LARP1: variants seen among roughly 807,000 people sequenced by gnomAD.
The protein encoded by LARP1 is La ribonucleoprotein 1, translational regulator, also known as la-related protein 1.
Under a neutral mutation model 122.7 loss-of-function variants are expected in LARP1, and 36 were observed. The ratio of observed to expected loss-of-function variants is 0.29; its 90% confidence interval spans 0.22 to 0.39. The LOEUF (loss-of-function observed/expected upper bound fraction) is 0.39, where lower values mean the gene tolerates loss of function less well. Ranked by LOEUF, LARP1 falls within the 10% of genes least tolerant of loss-of-function variation. The pLI is 1.00. For synonymous variants in LARP1, 539 were observed against 528.7 expected (o/e 1.02, Z -0.27); for missense variants, 1,040 against 1,403.6 (o/e 0.74, Z 4.14).
exon 1 of LARP1, chr5:154,712,985 C>T: frequency 6.2e-7 from 1 of 1,614,176 alleles, no homozygotes; most frequent in Non-Finnish European, 8.5e-7. Context: ...AGCTGGATTT[C>T]CAAGAGGCTC....
In LARP1 at chr5:154,739,222, G is replaced by A. The variant is rs187363718; in HGVS notation, c.205+26092G>A. ...TTTTTAGTAGAGACGGGGTTTCACC[G>A]TGTTAGCCAGGATGGTCTCGATCTC... On this transcript the variant is annotated intron_variant, in intron 1 of 18. Transcript: ENST00000336314. Among the ~76,000 whole-genome samples, 835 of 152,024 alleles carry A rather than the reference G, an allele frequency of 5.5e-3. 7 individuals are homozygous for A. The highest frequency in any genetic ancestry group is 0.019 in the African/African-American group (788 of 41,468).
At chr5:154,765,050 C>T (rs576446968) in intron 1 of LARP1, among the ~76,000 whole-genome samples, 33 of 152,280 alleles carry the variant, frequency 2.2e-4, no homozygotes, top group Non-Finnish European at 3.7e-4. Context: ...CCTATCACTC[C>T]TACTTAAAGC....
At chr5:154,711,328 G>A (rs1168536397), upstream of LARP1, among the ~76,000 whole-genome samples, 1 of 152,066 alleles carries the variant, frequency 6.6e-6, no homozygotes, top group African/African-American at 2.4e-5. Flanking sequence ...TTTTAGTAGA[G>A]ACGGGGTTTC....
intron 1 of LARP1, among the ~76,000 whole-genome samples, chr5:154,787,600 A>G (rs1266629160): frequency 6.6e-6 from 1 of 152,186 alleles, no homozygotes; most frequent in African/African-American, 2.4e-5. Context: ...TATGAATTTT[A>G]GATTTTAAAG....
At position 154,802,479 on chromosome 5, in the gene LARP1, C is replaced by T; in HGVS notation, c.2109+80C>T. ...AGAAGAGGAAGCCTGATTAGCTGTG[C>T]AATTTTAGGCAGGTCCTTATAATTC... On this transcript the variant is annotated intron_variant, in intron 11 of 18. Transcript: ENST00000518297. The surrounding 1 kb of genome is among the most constrained non-coding windows in gnomAD (Gnocchi z 5.1). The T allele has an allele frequency of 1.4e-6, 2 of 1,456,326 alleles. No homozygotes were observed. Among genetic ancestry groups the T allele is most frequent in the Non-Finnish European group, 1.8e-6 (2 of 1,096,700 alleles). 90.2% of individuals were successfully genotyped at this position (1,456,326 alleles called of 1,614,324 possible). A position where few individuals can be genotyped will look rare whatever the true frequency, so the allele number is the denominator to read the frequency against.
At chr5:154,807,459 G>A (rs141115519) in intron 15 of LARP1, among the ~76,000 whole-genome samples, 24 of 152,106 alleles carry the variant, frequency 1.6e-4, no homozygotes, top group East Asian at 3.9e-4. Context: ...TAAAATTTTC[G>A]TTTTATATTT....
At chr5:154,801,279 G>A (rs1167538488) in intron 10 of LARP1, among the ~76,000 whole-genome samples, 1 of 152,122 alleles carries the variant, frequency 6.6e-6, no homozygotes, top group South Asian at 2.1e-4. Context: ...TCTTCATCTG[G>A]CTTACTTATG....
At position 154,795,310 on chromosome 5, in the gene LARP1, C is replaced by T; in HGVS notation, c.1368C>T (p.Leu456=). 1 of 1,613,954 alleles carries T rather than the reference C, an allele frequency of 6.2e-7. No homozygotes were observed. The highest frequency in any genetic ancestry group is 1.1e-5 in the South Asian group (1 of 91,060). Residue 456 remains leucine, a synonymous_variant, in exon 8 of 19, where the codon CTC becomes CTT. Coordinates refer to ENST00000518297, the MANE Select transcript of LARP1 (RefSeq NM_033551.3). ...RVQALTTDIS[L]IFAALKDSKV... is the part of the protein sequence containing the mutation. ...AGGCCCTTACCACTGACATTTCACT[C>T]ATCTTTGCGGTATGTCTTCCTCCCT...
At position 154,794,255 on chromosome 5, in the gene LARP1, C is replaced by T. The variant is rs1361402067; in HGVS notation, c.1225C>T (p.Arg409Cys). 2 of 1,613,994 alleles carry T rather than the reference C, an allele frequency of 1.2e-6. No individual in the cohort carries two copies. The highest frequency in any genetic ancestry group is 1.1e-5 in the South Asian group (1 of 91,064). Residue 409 changes from arginine (R) to cysteine (C), a missense_variant, in exon 7 of 19, where the codon CGC (arginine) becomes TGC (cysteine). Physicochemically the swap from Arg to Cys is radical, Grantham distance 180 (BLOSUM62 -3). Transcript: ENST00000518297. ...GGAACTGCTCAAAGACTACATCAAG[C>T]GCCAGATGTGAGTGTGCGGAAGCCT... is the stretch of plus-strand genomic sequence containing the variant. ...DQELLKDYIK[R>C]QIEYYFSVDN...
chr5:154,712,432 G>C (rs1345781766), upstream of LARP1, among the ~76,000 whole-genome samples: 1 of 152,128 alleles, frequency 6.6e-6, no homozygotes, highest in African/African-American at 2.4e-5. Flanking sequence ...TCCTTGCAAG[G>C]GCTGTGTGAA....
Position 154,803,602 on chromosome 5 carries a change from T to C in LARP1, c.2296T>C (p.Ser766Pro). The change falls in exon 13 of 19, where the codon TCT becomes CCT. Residue 766 changes from serine (S) to proline (P), a missense_variant. Around this residue, in one of 8 missense-constraint regions of LARP1, gnomAD observed 362 missense variants for 533.1 expected, o/e 0.68. Coordinates refer to ENST00000518297, the MANE Select transcript of LARP1 (RefSeq NM_033551.3). The surrounding 1 kb of genome is among the most constrained non-coding windows in gnomAD (Gnocchi z 4.4). ...GAPEPSTIAR[S>P]LPTTVPESPN... ...TCCTGAGCCCTCCACCATCGCCCGC[T>C]CTCTACCAACCACTGTCCCAGAGTC... 1 of 1,614,004 alleles carries C rather than the reference T, an allele frequency of 6.2e-7. No homozygotes were observed. Among genetic ancestry groups the C allele is most frequent in the Non-Finnish European group, 8.5e-7 (1 of 1,180,008 alleles).
intron 1 of LARP1, among the ~76,000 whole-genome samples, chr5:154,786,923 G>C (rs1429169783): frequency 3.3e-5 from 5 of 150,956 alleles, no homozygotes; most frequent in African/African-American, 1.2e-4. Context: ...TTGTTGCCCA[G>C]GCTGGAGCAC....
At chr5:154,730,966 T>G (rs1201370195) in intron 1 of LARP1, among the ~76,000 whole-genome samples, 1 of 150,350 alleles carries the variant, frequency 6.7e-6, no homozygotes, top group Non-Finnish European at 1.5e-5. Context: ...CTCCCTGGTT[T>G]CAAGCATACC....
At chr5:154,728,359 A>T (rs1756356295) in intron 1 of LARP1, among the ~76,000 whole-genome samples, 2 of 152,158 alleles carry the variant, frequency 1.3e-5, no homozygotes, top group Non-Finnish European at 1.5e-5. Context: ...TTCAATCAAG[A>T]GATAGAGTCC....
At position 154,786,049 on chromosome 5, in the gene LARP1, CT is replaced by C. The variant is rs1383645986; in HGVS notation, c.437-4266del. ...CACATAGCAATTTTGGTATGCTTCA[CT>C]TTTTTTTTTGAGATGGAGTTTCACT... On this transcript the variant is annotated intron_variant, in intron 1 of 18. Transcript: ENST00000518297. 1.2e-4 allele frequency among the ~76,000 whole-genome samples: 18 copies of C among 149,564 alleles called. No homozygotes were observed. The East Asian group carries it at 1.4e-3, about 11-fold the overall frequency.
chr5:154,698,919 A>G (rs1754592917), intron 1 of LARP1, among the ~76,000 whole-genome samples: 2 of 152,332 alleles, frequency 1.3e-5, no homozygotes, highest in South Asian at 4.1e-4. Context: ...TAGTGTACTA[A>G]TAAGAAACCT....
Position 154,802,098 on chromosome 5 carries a change from A to C in LARP1, c.1808A>C (p.Glu603Ala). The C allele has an allele frequency of 6.2e-7, 1 of 1,614,154 alleles. No homozygotes were observed. ...QLMSKDQDEQ[E>A]ELDFLFDEEM... ...ATGTCCAAGGATCAGGATGAGCAAG[A>C]GGAACTGGATTTTCTGTTTGACGAG... Residue 603 changes from glutamate to alanine, a missense_variant, in exon 11 of 19, where the codon GAG (glutamate) becomes GCG (alanine). Physicochemically the swap from Glu to Ala is moderately radical, Grantham distance 107 (BLOSUM62 -1). Transcript: ENST00000518297. This position sits in a 1 kb window ranked among gnomAD's most constrained non-coding sequence, Gnocchi z 5.1.
chr5:154,798,063 C>A (rs934391205), intron 8 of LARP1, among the ~76,000 whole-genome samples: 13 of 152,180 alleles, frequency 8.5e-5, no homozygotes, highest in Non-Finnish European at 1.6e-4. Context: ...TTGAAAGAAT[C>A]TTTGTGTGGT....
chr5:154,688,730 G>T (rs1754053021), intron 1 of LARP1, among the ~76,000 whole-genome samples: 2 of 151,728 alleles, frequency 1.3e-5, no homozygotes. Context: ...GAAGGCTGAG[G>T]TAGGAGGATC....
Sources: gnomAD v4.1 joint callset for allele counts (sites outside exome capture counted in the v4.1 genomes callset) on GRCh38, gnomAD v4.1.1 for gene constraint, gnomAD v4.1.1 regional missense constraint, Gnocchi (gnomAD v3.1) non-coding constraint, MANE v1.5 for transcripts, NCBI Gene and HGNC (gene_info 2026-07-23, HGNC 2026-07-21) for gene names.